CAMK2D: variants seen among roughly 807,000 people sequenced by gnomAD.
The protein encoded by CAMK2D is calcium/calmodulin dependent protein kinase II delta, also known as calcium/calmodulin-dependent protein kinase type II subunit delta.
Under a neutral mutation model 84.0 loss-of-function variants are expected in CAMK2D, and 37 were observed. That is an observed-to-expected ratio of 0.44 (90% CI 0.34 to 0.58). The LOEUF is 0.58. Among genes scored for constraint, CAMK2D ranks in the 20% least tolerant of loss-of-function variants. The pLI, the probability that CAMK2D is intolerant of heterozygous loss-of-function variation, is 0.02. For missense variants in CAMK2D, 448 were observed against 652.5 expected, an observed-to-expected ratio of 0.69 and a Z score of 3.41; for synonymous variants, 202 against 212.5, an observed-to-expected ratio of 0.95 and a Z score of 0.43.
chr4:113,571,392 T>C (rs981077036), intron 4 of CAMK2D, among the ~76,000 whole-genome samples: 8 of 152,130 alleles, frequency 5.3e-5, no homozygotes, highest in Non-Finnish European at 1.5e-5. Context: ...TAAGTGTCCA[T>C]CAACAGATGT....
intron 4 of CAMK2D, among the ~76,000 whole-genome samples, chr4:113,572,992 T>C (rs764442075): frequency 2.6e-5 from 4 of 152,008 alleles, no homozygotes. Context: ...AGCTAAAAGA[T>C]ATGAACTTAT....
At chr4:113,492,209 T>C (rs1393005881) in intron 16 of CAMK2D, among the ~76,000 whole-genome samples, 7 of 152,150 alleles carry the variant, frequency 4.6e-5, no homozygotes, top group East Asian at 3.9e-4. Flanking sequence ...GCTCTTGCTT[T>C]TCTAGTTCTT....
chr4:113,578,899 C>A (rs1168446753), intron 4 of CAMK2D, among the ~76,000 whole-genome samples: 1 of 152,182 alleles, frequency 6.6e-6, no homozygotes, highest in Non-Finnish European at 1.5e-5. Flanking sequence ...CATTGCTACA[C>A]AATCAAATTC....
At chr4:113,498,658 A>G (rs528485149) in intron 16 of CAMK2D, among the ~76,000 whole-genome samples, 2 of 152,204 alleles carry the variant, frequency 1.3e-5, no homozygotes, top group African/African-American at 2.4e-5. Flanking sequence ...TACTATCTCA[A>G]TTTATGAAAT....
At chr4:113,565,087 A>G (rs2098715979) in intron 4 of CAMK2D, among the ~76,000 whole-genome samples, 1 of 152,192 alleles carries the variant, frequency 6.6e-6, no homozygotes, top group South Asian at 2.1e-4. Context: ...ACATTTAACC[A>G]CAGGATGTGG....
intron 7 of CAMK2D, 150 bp downstream of exon 7, chr4:113,537,191 A>G (rs2098499300): frequency 1.5e-5 from 8 of 517,722 alleles, no homozygotes; most frequent in Non-Finnish European, 2.8e-5. Flanking sequence ...CAACAAAATT[A>G]AATGCTTATA....
intron 4 of CAMK2D, among the ~76,000 whole-genome samples, chr4:113,577,161 T>C (rs532848145): frequency 4.6e-5 from 7 of 152,306 alleles, no homozygotes; most frequent in Non-Finnish European, 1.0e-4. Context: ...TGCTGTGGTT[T>C]TCATTAGATA....
intron 2 of CAMK2D, chr4:113,753,862 T>C (rs1026376926): frequency 2.4e-5 from 24 of 984,684 alleles, no homozygotes; most frequent in Non-Finnish European, 2.9e-5. Flanking sequence ...ATCAATACTA[T>C]ATGAAAGGCT....
chr4:113,747,171 G>C (rs993081158), intron 2 of CAMK2D, among the ~76,000 whole-genome samples: 1 of 151,740 alleles, frequency 6.6e-6, no homozygotes. Flanking sequence ...TATTTAAATC[G>C]AAGTTGTCTT....
chr4:113,752,684 A>C (rs1458371848), intron 2 of CAMK2D, among the ~76,000 whole-genome samples: 1 of 152,152 alleles, frequency 6.6e-6, no homozygotes, highest in African/African-American at 2.4e-5. Flanking sequence ...AGATATTTTT[A>C]ATCAGTTAAT....
chr4:113,667,793 T>C (rs2099263392), intron 2 of CAMK2D, among the ~76,000 whole-genome samples: 1 of 152,208 alleles, frequency 6.6e-6, no homozygotes, highest in Non-Finnish European at 1.5e-5. Context: ...AATTTTTAAC[T>C]ATTTGACCTA....
intron 16 of CAMK2D, among the ~76,000 whole-genome samples, chr4:113,474,463 T>G (rs1033621851): frequency 2.1e-5 from 3 of 145,868 alleles, no homozygotes; most frequent in Non-Finnish European, 4.5e-5. Context: ...CAATTAGTCA[T>G]AAAGTTTTAA....
intron 4 of CAMK2D, among the ~76,000 whole-genome samples, chr4:113,580,733 C>T (rs746418334): frequency 4.0e-4 from 61 of 152,052 alleles, no homozygotes; most frequent in Non-Finnish European, 8.4e-4. Context: ...ATGGCAACTA[C>T]TTCATAAGAT....
chr4:113,632,384 C>T (rs1305174489), intron 3 of CAMK2D, among the ~76,000 whole-genome samples: 2 of 152,068 alleles, frequency 1.3e-5, no homozygotes, highest in African/African-American at 2.4e-5. Context: ...CCACCACTCC[C>T]AGCTAATTTT....
chr4:113,610,701 G>A (rs2098996362), intron 3 of CAMK2D, among the ~76,000 whole-genome samples: 1 of 152,140 alleles, frequency 6.6e-6, no homozygotes, highest in South Asian at 2.1e-4. Flanking sequence ...CAACAGTTCA[G>A]TCTCAGACCC....
chr4:113,726,612 C>T (rs2099546887), intron 2 of CAMK2D, among the ~76,000 whole-genome samples: 1 of 151,770 alleles, frequency 6.6e-6, no homozygotes, highest in East Asian at 1.9e-4. Context: ...CTATGTTGCC[C>T]AGGATGGTCT....
At chr4:113,474,992 T>A (rs567771596) in intron 16 of CAMK2D, among the ~76,000 whole-genome samples, 1 of 152,296 alleles carries the variant, frequency 6.6e-6, no homozygotes, top group East Asian at 1.9e-4. Context: ...CCTTCAGTAT[T>A]AATAGCTAGA....
chr4:113,566,750 G>C (rs1048526341), intron 4 of CAMK2D, among the ~76,000 whole-genome samples: 3 of 152,160 alleles, frequency 2.0e-5, no homozygotes, highest in Non-Finnish European at 4.4e-5. Context: ...TCTACTCACA[G>C]ATCTTCTCAA....
intron 2 of CAMK2D, 76 bp from the exon 3 acceptor site, chr4:113,661,848 G>C: frequency 1.5e-6 from 1 of 689,490 alleles, no homozygotes; most frequent in Non-Finnish European, 2.5e-6. Context: ...ATAACAAAAT[G>C]ACAAAAGGCC....
Sources: allele counts gnomAD v4.1 joint callset (sites outside exome capture counted in the v4.1 genomes callset), GRCh38; gene constraint gnomAD v4.1.1; transcripts MANE v1.5; gene names NCBI Gene and HGNC (gene_info 2026-07-23, HGNC 2026-07-21).